The following PCLO variants were observed in gnomAD, a reference collection of about 807,000 sequenced individuals.
PCLO encodes the protein piccolo presynaptic cytomatrix protein.
Under a neutral mutation model 427.5 loss-of-function variants are expected in PCLO, and 82 were observed. That is an observed-to-expected ratio of 0.19 (90% CI 0.16 to 0.23). The LOEUF (loss-of-function observed/expected upper bound fraction) is 0.23. Ranked by LOEUF, PCLO falls within the 10% of genes least tolerant of loss-of-function variation. The pLI is 1.00. For synonymous variants in PCLO, 2,357 were observed against 2,155.4 expected (o/e 1.09, Z -2.59); for missense variants, 6,239 against 6,115.9 (o/e 1.02, Z -0.67).
At chr7:82,896,892 G>A (rs1302515385) in intron 9 of PCLO, among the ~76,000 whole-genome samples, 1 of 151,560 alleles carries the variant, frequency 6.6e-6, no homozygotes, top group Non-Finnish European at 1.5e-5. Flanking sequence ...AGTCTTTCTA[G>A]CCTTGCAGAT....
At chr7:82,810,505 G>C (rs1562796318) in intron 20 of PCLO, among the ~76,000 whole-genome samples, 1 of 151,432 alleles carries the variant, frequency 6.6e-6, no homozygotes, top group Non-Finnish European at 1.5e-5. Flanking sequence ...GATAGAATCA[G>C]CTCACTCATA....
intron 8 of PCLO, among the ~76,000 whole-genome samples, chr7:82,906,986 T>C (rs771239749): frequency 6.6e-6 from 1 of 151,956 alleles, no homozygotes; most frequent in African/African-American, 2.4e-5. Flanking sequence ...TGGTCTATAA[T>C]TATATATTAT....
intron 3 of PCLO, among the ~76,000 whole-genome samples, chr7:82,984,467 T>A (rs1796215942): frequency 6.8e-6 from 1 of 147,350 alleles, no homozygotes; most frequent in African/African-American, 2.6e-5. Flanking sequence ...GGCAGAAGAT[T>A]CATTTTAAAA....
intron 3 of PCLO, among the ~76,000 whole-genome samples, chr7:83,093,492 A>ATATATATATATATATTTTTTTTTT: frequency 1.7e-5 from 1 of 59,318 alleles, no homozygotes; most frequent in Non-Finnish European, 3.3e-5. Context: ...ATATATATAT[A>ATATATATATATATATTTTTTTTTT]TTTTTTTTTT....
At chr7:83,004,165 A>G (rs966782222) in intron 3 of PCLO, among the ~76,000 whole-genome samples, 3 of 151,800 alleles carry the variant, frequency 2.0e-5, no homozygotes, top group South Asian at 2.1e-4. Context: ...AAAAATCCTA[A>G]CATTTGTACG....
chr7:83,154,793 A>C lies in PCLO; in HGVS notation c.1848T>G (p.Thr616=). The C allele has an allele frequency of 1.2e-6, 2 of 1,613,970 alleles. No homozygotes were observed. Among genetic ancestry groups the C allele is most frequent in the Non-Finnish European group, 1.7e-6 (2 of 1,179,840 alleles). ...GATTAAAACCACAGAGACTACAGAC[A>C]GTGGTTTGACACTCAGTGCATGTGT... ...NFNTCTECQT[T]VCSLCGFNPN... Residue 616 remains threonine (T), a synonymous_variant, in exon 2 of 25, where the codon ACT becomes ACG. Transcript: ENST00000333891.
At chr7:82,818,573 A>T (rs1033439507) in intron 20 of PCLO, among the ~76,000 whole-genome samples, 2 of 152,210 alleles carry the variant, frequency 1.3e-5, no homozygotes, top group African/African-American at 2.4e-5. Context: ...GAGATAAGTC[A>T]TAAATAAGTA....
intron 3 of PCLO, among the ~76,000 whole-genome samples, chr7:83,007,193 G>A (rs1339361727): frequency 6.6e-6 from 1 of 151,270 alleles, no homozygotes; most frequent in Non-Finnish European, 1.5e-5. Flanking sequence ...TTCTCCAACA[G>A]AAAAACAGTC....
At chr7:83,034,460 TTA>T (rs1788745745) in intron 3 of PCLO, among the ~76,000 whole-genome samples, 1 of 152,166 alleles carries the variant, frequency 6.6e-6, no homozygotes, top group Non-Finnish European at 1.5e-5. Flanking sequence ...AGTGCTGGGA[TTA>T]TAGGCAAAAG....
intron 2 of PCLO, among the ~76,000 whole-genome samples, chr7:83,135,979 T>A (rs1206163446): frequency 6.6e-6 from 1 of 151,604 alleles, no homozygotes; most frequent in Non-Finnish European, 1.5e-5. Flanking sequence ...ACACCTGTAA[T>A]CCCAGTTACT....
At position 82,949,796 on chromosome 7, in the gene PCLO, T is replaced by A. The variant is rs757140564; in HGVS notation, c.10792A>T (p.Ile3598Phe). ...KDKKRPTPLE[I>F]GYSSHLRADS... ...GCCCGGAGGTGAGATGAATAACCAA[T>A]CTCTAAAGGTGTTGGGCGTTTCTTG... Residue 3598 changes from isoleucine (I) to phenylalanine (F), a missense_variant, in exon 6 of 25, where the codon ATT (isoleucine) becomes TTT (phenylalanine). Physicochemically the swap from Ile to Phe is conservative, Grantham distance 21. Around this residue, in one of 5 missense-constraint regions of PCLO, gnomAD observed 4,677 missense variants for 4,468.4 expected, o/e 1.05. Coordinates refer to ENST00000333891, the MANE Select transcript of PCLO (RefSeq NM_033026.6). The A allele has an allele frequency of 4.3e-6, 7 of 1,613,572 alleles. 1 individual carries two copies. Among genetic ancestry groups the A allele is most frequent in the East Asian group, 2.2e-5 (1 of 44,854 alleles).
intron 3 of PCLO, among the ~76,000 whole-genome samples, chr7:83,105,808 TTC>T (rs376193526): frequency 9.8e-5 from 15 of 152,322 alleles, no homozygotes; most frequent in African/African-American, 3.6e-4. Flanking sequence ...CTCTGGGGCT[TTC>T]TCTCTGTTTC....
At chr7:82,822,227 C>T (rs902044006) in intron 20 of PCLO, 1 of 1,315,852 alleles carries the variant, frequency 7.6e-7, no homozygotes, top group Admixed American at 3.3e-5. Context: ...ATCACAGACA[C>T]TGTATCAAAT....
intron 8 of PCLO, among the ~76,000 whole-genome samples, chr7:82,904,370 C>CCTT (rs1384021778): frequency 6.6e-6 from 1 of 151,582 alleles, no homozygotes; most frequent in Non-Finnish European, 1.5e-5. Flanking sequence ...CCACTTTTTT[C>CCTT]CTTCTTCTTC....
intron 3 of PCLO, among the ~76,000 whole-genome samples, chr7:83,121,090 T>A (rs1791265181): frequency 6.6e-6 from 1 of 152,138 alleles, no homozygotes; most frequent in African/African-American, 2.4e-5. Context: ...GAGACCATCC[T>A]GGCTAACAAG....
chr7:82,949,257 A>T (rs1795272589), intron 6 of PCLO, among the ~76,000 whole-genome samples: 1 of 129,656 alleles, frequency 7.7e-6, no homozygotes, highest in South Asian at 2.1e-4. Flanking sequence ...ATGGTTTCCT[A>T]CACACACACA....
At chr7:83,074,380 CG>C (rs1789898253) in intron 3 of PCLO, among the ~76,000 whole-genome samples, 1 of 151,944 alleles carries the variant, frequency 6.6e-6, no homozygotes, top group African/African-American at 2.4e-5. Context: ...TAAGGAATTT[CG>C]TTGACCTGTC....
intron 3 of PCLO, among the ~76,000 whole-genome samples, chr7:83,088,967 A>G (rs1420563041): frequency 6.6e-6 from 1 of 152,182 alleles, no homozygotes; most frequent in Admixed American, 6.6e-5. Context: ...TTCAGGATAA[A>G]CCCTCAAATC....
At chr7:82,877,918 C>T (rs1202364506) in intron 10 of PCLO, among the ~76,000 whole-genome samples, 6 of 152,106 alleles carry the variant, frequency 3.9e-5, no homozygotes, top group South Asian at 2.1e-4. Flanking sequence ...GAGATCTGCC[C>T]GCCTTGGCCT....
Sources: allele counts gnomAD v4.1 joint callset (sites outside exome capture counted in the v4.1 genomes callset), GRCh38; gene constraint gnomAD v4.1.1; regional missense constraint gnomAD v4.1.1; transcripts MANE v1.5; gene names NCBI Gene and HGNC (gene_info 2026-07-23, HGNC 2026-07-21).